Variants in CHFR observed in about 807,000 individuals in gnomAD.
CHFR encodes the protein E3 ubiquitin-protein ligase CHFR.
CHFR carries 57 observed loss-of-function variants against 87.6 expected under a neutral mutation model. The observed-to-expected ratio is 0.65, with a 90% CI of 0.53 to 0.81. The LOEUF is 0.81. CHFR is among the 30% of genes least tolerant of loss of function. The pLI is 0.00. For missense variants in CHFR, 797 were observed against 865.8 expected, an observed-to-expected ratio of 0.92 and a Z score of 1.00; for synonymous variants, 381 against 359.2, an observed-to-expected ratio of 1.06 and a Z score of -0.69.
chr12:132,856,662 G>C, intron 9 of CHFR, 32 bp from the exon 10 acceptor site: 1 of 1,608,422 alleles, frequency 6.2e-7, no homozygotes. Context: ...GCCATTCACC[G>C]GCAGTGAGAC....
At chr12:132,866,718 T>C (rs1212859640) in intron 6 of CHFR, 3 of 152,144 alleles carry the variant, frequency 2.0e-5, no homozygotes, top group Non-Finnish European at 4.4e-5. Flanking sequence ...TACAACACAT[T>C]GGAATGTTAC....
At chr12:132,859,796 C>A (rs544797090) in intron 7 of CHFR, among the ~76,000 whole-genome samples, 1 of 152,250 alleles carries the variant, frequency 6.6e-6, no homozygotes, top group East Asian at 1.9e-4. Flanking sequence ...AATCCCAGCA[C>A]TTTGGGAGGC....
In CHFR at chr12:132,856,561, T is replaced by C; in HGVS notation, c.1136A>G (p.Gln379Arg). Residue 379 changes from glutamine to arginine, a missense_variant, in exon 10 of 18, where the codon CAG becomes CGG. Physicochemically the swap from Gln to Arg is conservative, Grantham distance 43. Around this residue, in one of 2 missense-constraint regions of CHFR, gnomAD observed 597 missense variants for 601.2 expected, o/e 0.99. Transcript: ENST00000450056. ...ARNKITQDML[Q>R]PKVRRSFSDE... ...AGAAAAAGACCGCCTGACTTTGGGC[T>C]GCAGCATGTCTTGAGTGATTTTATT... is the stretch of plus-strand genomic sequence containing the variant. The C allele has an allele frequency of 6.2e-7, 1 of 1,614,224 alleles. No homozygotes were observed. Among genetic ancestry groups the C allele is most frequent in the Middle Eastern group, 1.7e-4 (1 of 6,060 alleles).
intron 3 of CHFR, among the ~76,000 whole-genome samples, chr12:132,876,720 T>C (rs1221002129): frequency 6.6e-6 from 1 of 152,224 alleles, no homozygotes; most frequent in Non-Finnish European, 1.5e-5. Flanking sequence ...AAGTGTCCCA[T>C]CCTGGAAACC....
At chr12:132,881,285 C>A (rs967925481) in intron 2 of CHFR, among the ~76,000 whole-genome samples, 1 of 151,472 alleles carries the variant, frequency 6.6e-6, no homozygotes, top group African/African-American at 2.4e-5. Context: ...AAAATCTGTT[C>A]TTCAAAGATA....
intron 7 of CHFR, 123 bp from the exon 8 acceptor site, chr12:132,859,350 A>G (rs1031107035): frequency 5.3e-6 from 5 of 950,920 alleles, no homozygotes; most frequent in Non-Finnish European, 6.3e-6. Context: ...AAGGAAATAC[A>G]TGCAGTCTTT....
chr12:132,832,698 T>C lies in CHFR; in HGVS notation c.*8856A>G, dbSNP rs940748260. On this transcript the variant is annotated 3_prime_UTR_variant, in exon 18 of 18. Coordinates refer to ENST00000450056, the MANE Select transcript of CHFR (RefSeq NM_001161346.2). ...GTTAGAAACAATGAATCTAATCATA[T>C]ACTAAGTTGATGGCACAGTGTGGGA... 2.2e-4 allele frequency: 33 copies of C among 152,368 alleles called. No homozygotes were observed. The highest frequency in any genetic ancestry group is 7.7e-4 in the African/African-American group (32 of 41,574). The allele number at this position is 152,368 out of a possible 1,614,324, so 9.4% of individuals were successfully genotyped here. A position where few individuals can be genotyped will look rare whatever the true frequency, so the allele number is the denominator to read the frequency against.
chr12:132,852,620 A>T (rs1231893152), intron 11 of CHFR, among the ~76,000 whole-genome samples: 1 of 152,182 alleles, frequency 6.6e-6, no homozygotes, highest in African/African-American at 2.4e-5. Flanking sequence ...CGCTGGTCCC[A>T]CCATGCAAAG....
chr12:132,880,490 C>G (rs1253676322), intron 2 of CHFR, among the ~76,000 whole-genome samples: 1 of 151,694 alleles, frequency 6.6e-6, no homozygotes, highest in East Asian at 1.9e-4. Context: ...AACCACGTCT[C>G]TACCAAAACT....
At chr12:132,864,516 T>G (rs1951290479) in intron 6 of CHFR, among the ~76,000 whole-genome samples, 3 of 152,070 alleles carry the variant, frequency 2.0e-5, no homozygotes, top group Admixed American at 2.0e-4. Context: ...TGAGACAGAG[T>G]CTTGTGCTGT....
intron 3 of CHFR, among the ~76,000 whole-genome samples, chr12:132,873,755 G>T (rs1447464680): frequency 6.6e-6 from 1 of 152,198 alleles, no homozygotes; most frequent in Non-Finnish European, 1.5e-5. Context: ...GCACGGACTT[G>T]GGTGCATGCA....
Position 132,836,817 on chromosome 12 carries a change from T to C in CHFR, c.*4737A>G. On this transcript the variant is annotated 3_prime_UTR_variant, in exon 18 of 18. Transcript: ENST00000450056. ...GACGGCTCATCAGCTCATCAGACCT[T>C]CACCGTTCAGTAGCCAACTGGTCAG... 1 of 454,740 alleles carries C rather than the reference T, an allele frequency of 2.2e-6. No homozygotes were observed. 28.2% of individuals were successfully genotyped at this position (454,740 alleles called of 1,614,324 possible). A position where few individuals can be genotyped will look rare whatever the true frequency, so the allele number is the denominator to read the frequency against.
chr12:132,847,620 T>A, intron 14 of CHFR: 1 of 1,078,420 alleles, frequency 9.3e-7, no homozygotes, highest in South Asian at 2.8e-5. Context: ...TTGTGTGTGC[T>A]GTCAGCAAAG....
At chr12:132,878,106 C>G (rs1033881574) in intron 2 of CHFR, among the ~76,000 whole-genome samples, 1 of 152,178 alleles carries the variant, frequency 6.6e-6, no homozygotes, top group African/African-American at 2.4e-5. Flanking sequence ...CCGGCCCATC[C>G]TGAACCTTTC....
chr12:132,884,517 C>T (rs1285557204), intron 2 of CHFR, among the ~76,000 whole-genome samples: 1 of 152,108 alleles, frequency 6.6e-6, no homozygotes, highest in African/African-American at 2.4e-5. Flanking sequence ...CTGTACCCCC[C>T]TAAAATTCAT....
At chr12:132,857,597 C>T (rs760632569) in intron 8 of CHFR, 38 bp from the exon 9 acceptor site, 6 of 1,600,784 alleles carry the variant, frequency 3.7e-6, no homozygotes, top group Non-Finnish European at 5.1e-6. Context: ...GACAGTCCCA[C>T]AGATGCAACC....
At position 132,835,548 on chromosome 12, in the gene CHFR, T is replaced by G. The variant is rs1670558762; in HGVS notation, c.*6006A>C. The G allele has an allele frequency of 1.2e-5, 2 of 166,718 alleles. No homozygotes were observed. Among genetic ancestry groups the G allele is most frequent in the Admixed American group, 1.2e-4 (2 of 17,358 alleles). The allele number at this position is 166,718 out of a possible 1,614,324, so 10.3% of individuals were successfully genotyped here. Reference sequence around the variant, plus strand: ...GGACTGGTGTCCTCGCAGGAAGAGATTAGGGCACAAACACGCATGAAGAGA... The same window carrying G: ...GGACTGGTGTCCTCGCAGGAAGAGAGTAGGGCACAAACACGCATGAAGAGA... On this transcript the variant is annotated 3_prime_UTR_variant, in exon 18 of 18. Transcript: ENST00000450056.
intron 13 of CHFR, 189 bp downstream of exon 13, chr12:132,848,452 G>A (rs1311713376): frequency 2.9e-6 from 2 of 692,338 alleles, no homozygotes; most frequent in Admixed American, 5.0e-5. Context: ...TTCTGTTAAG[G>A]CTTGATTTTG....
Position 132,844,444 on chromosome 12 carries a change from C to A in CHFR, c.1736-310G>T, listed in dbSNP as rs577509473. The stretch of plus-strand genomic sequence containing the variant: ...GGACTACAGGTGCCCGCCACCACAC[C>A]GGGCTAATTTTTTGTATTTTTAGTA... On this transcript the variant is annotated intron_variant, in intron 15 of 17. Coordinates refer to ENST00000450056, the MANE Select transcript of CHFR (RefSeq NM_001161346.2). 3.5e-4 allele frequency among the ~76,000 whole-genome samples: 50 copies of A among 142,962 alleles called. 1 individual carries two copies. Among genetic ancestry groups the A allele is most frequent in the Non-Finnish European group, 1.6e-4 (10 of 61,566 alleles). The allele number at this position is 142,962 out of a possible 152,430, so 93.8% of individuals were successfully genotyped here.
Sources: gnomAD v4.1 joint callset for allele counts (sites outside exome capture counted in the v4.1 genomes callset) on GRCh38, gnomAD v4.1.1 for gene constraint, gnomAD v4.1.1 regional missense constraint, MANE v1.5 for transcripts, NCBI Gene and HGNC (gene_info 2026-07-23, HGNC 2026-07-21) for gene names.